CMTM6: variants seen among roughly 807,000 people sequenced by gnomAD.
The protein encoded by CMTM6 is CKLF-like MARVEL transmembrane domain-containing protein 6.
A neutral mutation model predicts 13.6 loss-of-function variants in CMTM6; 5 were observed. That is an observed-to-expected ratio of 0.37 (90% CI 0.19 to 0.77). CMTM6 has a LOEUF of 0.77. Among genes scored for constraint, CMTM6 ranks in the 30% least tolerant of loss-of-function variants. The probability of loss-of-function intolerance (pLI) is 0.50; values close to 1 mark genes in which losing one functional copy is unlikely to be tolerated. For missense variants in CMTM6, 196 were observed against 218.6 expected, an observed-to-expected ratio of 0.90 and a Z score of 0.65; for synonymous variants, 99 against 84.5, an observed-to-expected ratio of 1.17 and a Z score of -0.94.
chr3:32,497,140 CTG>C lies in CMTM6; in HGVS notation c.139-5256_139-5255del, dbSNP rs554244313. Among the ~76,000 whole-genome samples the C allele has an allele frequency of 1.6e-4, 24 of 151,126 alleles. 1 individual carries two copies. In the South Asian group the frequency reaches 4.4e-3, roughly 28 times the overall value. On this transcript the variant is annotated intron_variant, in intron 1 of 3. Transcript: ENST00000205636. ...GGCTCACGCCTGTAATCCCAGCACTCTGGGAGGCCGAGGTGGGCGGATCACGA... is the reference window on the plus strand; with the variant it reads ...GGCTCACGCCTGTAATCCCAGCACTCGGAGGCCGAGGTGGGCGGATCACGA...
Position 32,493,122 on chromosome 3 carries a change from C to T in CMTM6, c.139-1236G>A, listed in dbSNP as rs142882637. On this transcript the variant is annotated intron_variant, in intron 1 of 3. Coordinates refer to ENST00000205636, the MANE Select transcript of CMTM6 (RefSeq NM_017801.3). ...AATTCATTTTAACACTCAGTTTCAG[C>T]TTTGTAATATTTAACTGTATGGCCA... is the stretch of plus-strand genomic sequence containing the variant. 5.9e-5 allele frequency among the ~76,000 whole-genome samples: 9 copies of T among 152,282 alleles called. No homozygotes were observed. The East Asian group carries it at 1.7e-3, about 29-fold the overall frequency.
At chr3:32,497,551 T>C (rs1377163224) in intron 1 of CMTM6, among the ~76,000 whole-genome samples, 3 of 146,730 alleles carry the variant, frequency 2.0e-5, no homozygotes, top group East Asian at 2.0e-4. Flanking sequence ...CACTTTCTTG[T>C]ATTAAAAAGA....
chr3:32,497,524 T>C (rs543913341), intron 1 of CMTM6, among the ~76,000 whole-genome samples: 2 of 151,130 alleles, frequency 1.3e-5, no homozygotes, highest in Admixed American at 6.6e-5. Context: ...TTGATTTTTT[T>C]TTTTTTGGTA....
chr3:32,491,310 A>G (rs1471695374), intron 2 of CMTM6, among the ~76,000 whole-genome samples: 3 of 152,258 alleles, frequency 2.0e-5, no homozygotes, highest in South Asian at 2.1e-4. Flanking sequence ...GAAATATTTC[A>G]CATTAGTTCA....
chr3:32,497,586 G>A (rs1381148020), intron 1 of CMTM6, among the ~76,000 whole-genome samples: 4 of 150,580 alleles, frequency 2.7e-5, no homozygotes, highest in East Asian at 2.0e-4. Context: ...TTGGCCGGGC[G>A]CGGTGGCTCA....
intron 1 of CMTM6, among the ~76,000 whole-genome samples, chr3:32,493,687 C>T (rs528052500): frequency 1.3e-5 from 2 of 152,150 alleles, no homozygotes; most frequent in East Asian, 3.9e-4. Flanking sequence ...GGGGAAGAAA[C>T]CAGCAAAGGA....
At chr3:32,485,718 A>G (rs1049491286) in intron 3 of CMTM6, among the ~76,000 whole-genome samples, 2 of 152,148 alleles carry the variant, frequency 1.3e-5, no homozygotes, top group African/African-American at 4.8e-5. Context: ...TGTTAATTTT[A>G]TTTCTATGTT....
chr3:32,501,822 T>TGG (rs1697348062), intron 1 of CMTM6, among the ~76,000 whole-genome samples: 1 of 152,226 alleles, frequency 6.6e-6, no homozygotes, highest in Non-Finnish European at 1.5e-5. Flanking sequence ...CTAAACTGGT[T>TGG]CAACCATCAG....
intron 1 of CMTM6, among the ~76,000 whole-genome samples, chr3:32,497,144 G>A (rs1697299995): frequency 6.6e-6 from 1 of 152,102 alleles, no homozygotes; most frequent in African/African-American, 2.4e-5. Flanking sequence ...AGCACTCTGG[G>A]AGGCCGAGGT....
At chr3:32,490,860 CA>C (rs1697244317) in intron 2 of CMTM6, among the ~76,000 whole-genome samples, 1 of 152,000 alleles carries the variant, frequency 6.6e-6, no homozygotes, top group East Asian at 1.9e-4. Context: ...GGAATATATA[CA>C]TTTTTTTTTA....
chr3:32,483,840 C>T lies in CMTM6; in HGVS notation c.*120G>A. ...TTGATAAAACTGCCTTCTTGACCTT[C>T]CCCTTGCTCTCCAAAAGAAGTGGTT... On this transcript the variant is annotated 3_prime_UTR_variant, in exon 4 of 4. Transcript: ENST00000205636. 1 of 1,026,428 alleles carries T rather than the reference C, an allele frequency of 9.7e-7. No individual in the cohort carries two copies. The highest frequency in any genetic ancestry group is 3.1e-5 in the Admixed American group (1 of 32,704). 63.6% of individuals were successfully genotyped at this position (1,026,428 alleles called of 1,614,324 possible).
intron 3 of CMTM6, among the ~76,000 whole-genome samples, chr3:32,486,046 T>G (rs1697200925): frequency 6.6e-6 from 1 of 152,028 alleles, no homozygotes; most frequent in African/African-American, 2.4e-5. Flanking sequence ...CCCGGCTAAG[T>G]TTTGTATTTT....
chr3:32,491,518 C>T (rs7640978), intron 2 of CMTM6, among the ~76,000 whole-genome samples, 192 bp downstream of exon 2: 20,826 of 152,146 alleles, frequency 0.14, 2,076 homozygotes, highest in African/African-American at 0.28. Flanking sequence ...CACTCTCATT[C>T]TAATCTCACT....
intron 1 of CMTM6, among the ~76,000 whole-genome samples, chr3:32,497,165 C>CCT: frequency 6.6e-6 from 1 of 151,856 alleles, no homozygotes; most frequent in East Asian, 1.9e-4. Flanking sequence ...GGGCGGATCA[C>CCT]GAGGTCAGGA....
intron 3 of CMTM6, among the ~76,000 whole-genome samples, chr3:32,485,074 A>ATCTT (rs2125655373): frequency 6.6e-6 from 1 of 151,898 alleles, no homozygotes; most frequent in African/African-American, 2.4e-5. Flanking sequence ...TCCCTCTGGA[A>ATCTT]TCTTTATTTT....
intron 3 of CMTM6, among the ~76,000 whole-genome samples, chr3:32,486,417 G>A (rs997744396): frequency 1.9e-3 from 263 of 142,096 alleles, no homozygotes; most frequent in African/African-American, 6.7e-3. Context: ...AGACTACTTA[G>A]TCTTTTCTTA....
intron 2 of CMTM6, among the ~76,000 whole-genome samples, chr3:32,489,854 T>C (rs1697236183): frequency 2.6e-5 from 4 of 152,198 alleles, no homozygotes; most frequent in Admixed American, 2.6e-4. Context: ...ATAAACGGGT[T>C]CTAGAGCCAG....
At chr3:32,487,334 G>C (rs1697213334) in intron 3 of CMTM6, among the ~76,000 whole-genome samples, 1 of 151,854 alleles carries the variant, frequency 6.6e-6, no homozygotes, top group African/African-American at 2.4e-5. Flanking sequence ...CTGCTGTCTA[G>C]ACCAACTTTT....
chr3:32,486,836 G>C (rs1223347628), intron 3 of CMTM6, among the ~76,000 whole-genome samples: 4 of 152,164 alleles, frequency 2.6e-5, no homozygotes, highest in African/African-American at 9.7e-5. Flanking sequence ...GTGAGTTACT[G>C]CAAGATCTGC....
Sources: allele counts gnomAD v4.1 joint callset (sites outside exome capture counted in the v4.1 genomes callset), GRCh38; gene constraint gnomAD v4.1.1; transcripts MANE v1.5; gene names NCBI Gene and HGNC (gene_info 2026-07-23, HGNC 2026-07-21).